The following ANKRD34C variants were observed in gnomAD, a reference collection of about 807,000 sequenced individuals.
ANKRD34C encodes the protein ankyrin repeat domain 34C.
For missense variants in ANKRD34C, 563 were observed against 653.0 expected, an observed-to-expected ratio of 0.86 and a Z score of 1.50; for synonymous variants, 260 against 253.6, an observed-to-expected ratio of 1.03 and a Z score of -0.24.
chr15:79,296,150 C>T lies in ANKRD34C; in HGVS notation c.*1258C>T, dbSNP rs2058671885. On this transcript the variant is annotated 3_prime_UTR_variant, in exon 2 of 2. Transcript: ENST00000421388. ...CTATGGTTAAAAAGTTCAATAGTTC[C>T]TGAGGACAGCATCATATAGAGGAAA... The T allele has an allele frequency of 1.2e-5, 2 of 167,060 alleles. No individual in the cohort carries two copies. Among genetic ancestry groups the T allele is most frequent in the Non-Finnish European group, 2.9e-5 (2 of 68,126 alleles). 10.3% of individuals were successfully genotyped at this position (167,060 alleles called of 1,614,324 possible).
rs969418099 is a variant in ANKRD34C, at chr15:79,296,535, C to T, written c.*1643C>T. 4.2e-5 allele frequency: 7 copies of T among 167,084 alleles called. No individual in the cohort carries two copies. The highest frequency in any genetic ancestry group is 7.2e-5 in the African/African-American group (3 of 41,542). The allele number at this position is 167,084 out of a possible 1,614,324, so 10.4% of individuals were successfully genotyped here. ...GATCCCCAGTTATTTTTATAAGTAC[C>T]GATCTCTAAACTCATGTGTAAAGTA... On this transcript the variant is annotated 3_prime_UTR_variant, in exon 2 of 2. Coordinates refer to ENST00000421388, the MANE Select transcript of ANKRD34C (RefSeq NM_001146341.2).
intron 1 of ANKRD34C, among the ~76,000 whole-genome samples, chr15:79,292,042 T>C (rs2058661259): frequency 6.6e-6 from 1 of 152,188 alleles, no homozygotes. Flanking sequence ...GCCTTCCAAC[T>C]AAATAGAGTA....
At chr15:79,292,989 G>T (rs575739594) in intron 1 of ANKRD34C, among the ~76,000 whole-genome samples, 74 of 152,234 alleles carry the variant, frequency 4.9e-4, no homozygotes, top group African/African-American at 1.7e-3. Context: ...TTTTCATGTG[G>T]ATGTTTTATA....
Position 79,294,662 on chromosome 15 carries a change from C to T in ANKRD34C, c.1378C>T (p.Pro460Ser), listed in dbSNP as rs887162407. Residue 460 changes from proline (P) to serine (S), a missense_variant, in exon 2 of 2, where the codon CCT (proline) becomes TCT (serine). Coordinates refer to ENST00000421388, the MANE Select transcript of ANKRD34C (RefSeq NM_001146341.2). Reference protein sequence around the residue: ...LLLDRISHTRPGFLPPLNVNL... With the variant: ...LLLDRISHTRSGFLPPLNVNL... ...CCTTGATCGCATTTCTCACACTAGG[C>T]CTGGCTTCCTGCCGCCTTTAAATGT... is the stretch of plus-strand genomic sequence containing the variant. 1.9e-6 allele frequency: 3 copies of T among 1,551,602 alleles called. No individual in the cohort carries two copies. The highest frequency in any genetic ancestry group is 1.4e-5 in the African/African-American group (1 of 73,052).
intron 1 of ANKRD34C, chr15:79,283,811 G>T (rs1013238203): frequency 6.6e-6 from 1 of 152,286 alleles, no homozygotes; most frequent in African/African-American, 2.4e-5. Flanking sequence ...AGTGAGCGTG[G>T]AACAGCCCGG....
In ANKRD34C at chr15:79,294,262, G is replaced by A. The variant is rs1451799896; in HGVS notation, c.978G>A (p.Pro326=). Reference sequence around the variant, plus strand: ...TGAAGATTCCAGTCTCTTCAGCACCGGCATCCTGGAAAGCAGCCTATGAGA... The same window carrying A: ...TGAAGATTCCAGTCTCTTCAGCACCAGCATCCTGGAAAGCAGCCTATGAGA... ...QVLKIPVSSA[P]ASWKAAYEKG... Residue 326 remains proline (P), a synonymous_variant, in exon 2 of 2, where the codon CCG becomes CCA. Coordinates refer to ENST00000421388, the MANE Select transcript of ANKRD34C (RefSeq NM_001146341.2). 12 of 1,551,496 alleles carry A rather than the reference G, an allele frequency of 7.7e-6. No individual in the cohort carries two copies. The highest frequency in any genetic ancestry group is 2.0e-5 in the Admixed American group (1 of 50,990).
chr15:79,284,671 A>G (rs2058638454), intron 1 of ANKRD34C, among the ~76,000 whole-genome samples: 1 of 152,336 alleles, frequency 6.6e-6, no homozygotes, highest in Middle Eastern at 3.4e-3. Flanking sequence ...ATAGCCTCTT[A>G]GATTTTTTAA....
intron 1 of ANKRD34C, among the ~76,000 whole-genome samples, chr15:79,286,507 G>A (rs1472468768): frequency 4.6e-5 from 7 of 152,072 alleles, no homozygotes; most frequent in African/African-American, 1.7e-4. Flanking sequence ...TCCAGTATTA[G>A]GTGTTCTTAA....
At chr15:79,290,241 C>T (rs1460777705) in intron 1 of ANKRD34C, among the ~76,000 whole-genome samples, 1 of 135,800 alleles carries the variant, frequency 7.4e-6, no homozygotes. Context: ...TTTGCCTTGG[C>T]TGGTCTCAAA....
In ANKRD34C at chr15:79,294,156, C is replaced by T. The variant is rs147308214; in HGVS notation, c.872C>T (p.Pro291Leu). The T allele has an allele frequency of 6.4e-7, 1 of 1,551,544 alleles. No individual in the cohort carries two copies. The highest frequency in any genetic ancestry group is 2.4e-5 in the East Asian group (1 of 40,916). The stretch of plus-strand genomic sequence containing the variant: ...AAGAGCATCAGTGATATATCCTTCC[C>T]TAAAAGGGGGCCCCTCTCCAGAACC... ...VIKSISDISFPKRGPLSRTNS... is the reference protein window; with the variant it reads ...VIKSISDISFLKRGPLSRTNS... The change falls in exon 2 of 2, where the codon CCT (proline) becomes CTT (leucine). Residue 291 changes from proline (P) to leucine (L), a missense_variant. Physicochemically the swap from Pro to Leu is moderately conservative, Grantham distance 98. Transcript: ENST00000421388.
At chr15:79,285,310 C>A (rs772963429) in intron 1 of ANKRD34C, among the ~76,000 whole-genome samples, 1 of 151,944 alleles carries the variant, frequency 6.6e-6, no homozygotes, top group Non-Finnish European at 1.5e-5. Context: ...AATTCCATCC[C>A]TTGCCCTCTG....
At position 79,294,699 on chromosome 15, in the gene ANKRD34C, C is replaced by G. The variant is rs544010032; in HGVS notation, c.1415C>G (p.Pro472Arg). The change falls in exon 2 of 2, where the codon CCG (proline) becomes CGG (arginine). Residue 472 changes from proline (P) to arginine (R), a missense_variant. Transcript: ENST00000421388. Reference protein sequence around the residue: ...FLPPLNVNLNPPIPDIRSSSK... With the variant: ...FLPPLNVNLNRPIPDIRSSSK... Reference sequence around the variant, plus strand: ...CCGCCTTTAAATGTGAATCTGAACCCGCCTATTCCAGATATTAGATCTAGC... The same window carrying G: ...CCGCCTTTAAATGTGAATCTGAACCGGCCTATTCCAGATATTAGATCTAGC... 1 of 1,551,718 alleles carries G rather than the reference C, an allele frequency of 6.4e-7. No homozygotes were observed. The highest frequency in any genetic ancestry group is 8.7e-7 in the Non-Finnish European group (1 of 1,146,996).
At chr15:79,284,991 T>A (rs1433640808) in intron 1 of ANKRD34C, among the ~76,000 whole-genome samples, 1 of 152,248 alleles carries the variant, frequency 6.6e-6, no homozygotes, top group Non-Finnish European at 1.5e-5. Context: ...GAAACAGCAG[T>A]TTCATATGGA....
intron 1 of ANKRD34C, among the ~76,000 whole-genome samples, chr15:79,290,221 G>C (rs1052103223): frequency 1.8e-4 from 26 of 142,434 alleles, no homozygotes; most frequent in Admixed American, 5.8e-4. Flanking sequence ...TAGAGGCAGA[G>C]TCTCACTATT....
chr15:79,294,432 A>T lies in ANKRD34C; in HGVS notation c.1148A>T (p.Asp383Val), dbSNP rs1369048052. The T allele has an allele frequency of 1.3e-6, 2 of 1,551,548 alleles. No homozygotes were observed. Among genetic ancestry groups the T allele is most frequent in the African/African-American group, 2.7e-5 (2 of 73,046 alleles). ...KWLENDLYDL[D>V]IQPGPDPPNS... ...CTGGAAAATGACCTCTATGACTTAGATATACAGCCAGGGCCTGACCCTCCC... is the reference window on the plus strand; with the variant it reads ...CTGGAAAATGACCTCTATGACTTAGTTATACAGCCAGGGCCTGACCCTCCC... The change falls in exon 2 of 2, where the codon GAT becomes GTT. Residue 383 changes from aspartate (D) to valine (V), a missense_variant. Asp to Val is a radical substitution (Grantham distance 152, BLOSUM62 -3). Transcript: ENST00000421388.
Position 79,294,536 on chromosome 15 carries a change from G to A in ANKRD34C, c.1252G>A (p.Gly418Ser), listed in dbSNP as rs2058667747. Residue 418 changes from glycine (G) to serine (S), a missense_variant, in exon 2 of 2, where the codon GGC becomes AGC. Gly to Ser is a moderately conservative substitution (Grantham distance 56). Coordinates refer to ENST00000421388, the MANE Select transcript of ANKRD34C (RefSeq NM_001146341.2). ...CAGCTCTCACTTGTCTCTTTTCCAT[G>A]GCTCTCGGGAGTCCCTGGACACTGT... ...LNSSHLSLFH[G>S]SRESLDTVPS... The A allele has an allele frequency of 1.3e-6, 2 of 1,551,678 alleles. No homozygotes were observed. The highest frequency in any genetic ancestry group is 1.7e-6 in the Non-Finnish European group (2 of 1,146,992).
chr15:79,283,050 C>T lies in ANKRD34C; in HGVS notation c.-223C>T, dbSNP rs1004826386. 3.3e-5 allele frequency among the ~76,000 whole-genome samples: 5 copies of T among 152,202 alleles called. No individual in the cohort carries two copies. The highest frequency in any genetic ancestry group is 7.3e-5 in the Non-Finnish European group (5 of 68,038). On this transcript the variant is annotated 5_prime_UTR_variant, in exon 1 of 2. Coordinates refer to ENST00000421388, the MANE Select transcript of ANKRD34C (RefSeq NM_001146341.2). ...TCTGGGCAAGTGACTCAACAGGACC[C>T]GCGGGGCCCGGGGTAGCCCCAGCTC... is the stretch of plus-strand genomic sequence containing the variant.
In ANKRD34C at chr15:79,283,034, G is replaced by A. The variant is rs2058632696; in HGVS notation, c.-239G>A. The stretch of plus-strand genomic sequence containing the variant: ...CGAACCTTGAAGAAGTTCTGGGCAA[G>A]TGACTCAACAGGACCCGCGGGGCCC... On this transcript the variant is annotated 5_prime_UTR_variant, in exon 1 of 2. It adds an upstream start codon to the 5' untranslated region. Coordinates refer to ENST00000421388, the MANE Select transcript of ANKRD34C (RefSeq NM_001146341.2). Among the ~76,000 whole-genome samples the A allele has an allele frequency of 6.6e-6, 1 of 152,248 alleles. No homozygotes were observed. The highest frequency in any genetic ancestry group is 2.4e-5 in the African/African-American group (1 of 41,466).
In ANKRD34C at chr15:79,295,072, G is replaced by A. The variant is rs1223728672; in HGVS notation, c.*180G>A. The A allele has an allele frequency of 1.5e-6, 1 of 681,628 alleles. No individual in the cohort carries two copies. Among genetic ancestry groups the A allele is most frequent in the Non-Finnish European group, 2.3e-6 (1 of 431,872 alleles). 42.2% of individuals were successfully genotyped at this position (681,628 alleles called of 1,614,324 possible). ...TATAGGCCTACTTGAAAAGAGCTCA[G>A]GATAATTGGGTTTTGAAGATAAATT... On this transcript the variant is annotated 3_prime_UTR_variant, in exon 2 of 2. Transcript: ENST00000421388.
Sources: allele counts gnomAD v4.1 joint callset (sites outside exome capture counted in the v4.1 genomes callset), GRCh38; gene constraint gnomAD v4.1.1; transcripts MANE v1.5; gene names NCBI Gene and HGNC (gene_info 2026-07-23, HGNC 2026-07-21).